CNTLN: variants seen among roughly 807,000 people sequenced by gnomAD.
CNTLN encodes the protein centlein, centrosomal protein.
CNTLN carries 212 observed loss-of-function variants against 180.0 expected under a neutral mutation model. The observed-to-expected ratio is 1.18, with a 90% CI of 1.05 to 1.32. CNTLN has a LOEUF of 1.32. CNTLN is among the 40% of genes most tolerant of loss of function. The probability of loss-of-function intolerance (pLI) is 0.00; values close to 1 mark genes in which losing one functional copy is unlikely to be tolerated. For synonymous variants in CNTLN, 722 were observed against 563.1 expected (o/e 1.28, Z -3.99); for missense variants, 2,095 against 1,610.9 (o/e 1.30, Z -5.14).
intron 2 of CNTLN, among the ~76,000 whole-genome samples, chr9:17,224,065 A>C (rs1476195808): frequency 6.6e-6 from 1 of 151,940 alleles, no homozygotes; most frequent in African/African-American, 2.4e-5. Context: ...GGAGAGTTAC[A>C]TGTTAACTAT....
intron 16 of CNTLN, among the ~76,000 whole-genome samples, chr9:17,413,262 A>G (rs1827988241): frequency 6.6e-6 from 1 of 152,188 alleles, no homozygotes; most frequent in African/African-American, 2.4e-5. Context: ...ACAAAAATTA[A>G]TTTGAGGTGG....
At chr9:17,358,689 TAAA>T (rs1252879714) in intron 12 of CNTLN, among the ~76,000 whole-genome samples, 1 of 152,108 alleles carries the variant, frequency 6.6e-6, no homozygotes, top group African/African-American at 2.4e-5. Context: ...AAGTATGTAC[TAAA>T]AAAGTAATAA....
rs764309794 is a variant in CNTLN at position 17,472,579 on chromosome 9, C to A, written c.3855+5688C>A. On this transcript the variant is annotated intron_variant, in intron 23 of 25. Coordinates refer to ENST00000380647, the MANE Select transcript of CNTLN (RefSeq NM_017738.4). ...GTTCTCAACTTTGGATCACCACCTA[C>A]CTTAGGGAGCATTTGGAAATGTATG... Among the ~76,000 whole-genome samples, 18 of 152,072 alleles carry A rather than the reference C, an allele frequency of 1.2e-4. 1 individual carries two copies. The highest frequency in any genetic ancestry group is 2.1e-4 in the South Asian group (1 of 4,816).
At chr9:17,414,088 A>G (rs1192294985) in intron 16 of CNTLN, among the ~76,000 whole-genome samples, 1 of 152,118 alleles carries the variant, frequency 6.6e-6, no homozygotes, top group Non-Finnish European at 1.5e-5. Context: ...GAAATTTCTC[A>G]TCTTGGATTG....
intron 12 of CNTLN, among the ~76,000 whole-genome samples, chr9:17,363,186 C>G (rs1231372435): frequency 6.6e-6 from 1 of 152,172 alleles, no homozygotes; most frequent in Admixed American, 6.5e-5. Flanking sequence ...AACAAACATA[C>G]AAGTGCGTGT....
intron 5 of CNTLN, among the ~76,000 whole-genome samples, chr9:17,263,593 T>C (rs546905136): frequency 2.0e-5 from 3 of 150,272 alleles, no homozygotes; most frequent in Non-Finnish European, 2.9e-5. Flanking sequence ...GTATTTCTAG[T>C]TCTAGATCCC....
Position 17,309,145 on chromosome 9 carries a change from C to G in CNTLN, c.1234C>G (p.Leu412Val), listed in dbSNP as rs771915001. The G allele has an allele frequency of 9.9e-6, 16 of 1,610,504 alleles. No individual in the cohort carries two copies. The African/African-American group carries it at 1.2e-4, about 12-fold the overall frequency. The change falls in exon 8 of 26, where the codon CTA becomes GTA. Residue 412 changes from leucine (L) to valine (V), a missense_variant. By Grantham distance (32) the Leu-to-Val change is conservative. Transcript: ENST00000380647. ...AAGTGTTACTAATCTTCAGGATCAG[C>G]TATTACAAAAAGAGCAAGAAAATGC... ...RQSVTNLQDQ[L>V]LQKEQENAKL... is the part of the protein sequence containing the mutation.
intron 5 of CNTLN, among the ~76,000 whole-genome samples, chr9:17,251,187 T>C (rs934155768): frequency 2.0e-5 from 3 of 152,016 alleles, no homozygotes; most frequent in Non-Finnish European, 2.9e-5. Context: ...CTCTTTTTTG[T>C]AGGCTGAATT....
intron 5 of CNTLN, among the ~76,000 whole-genome samples, chr9:17,255,945 G>A (rs1357123998): frequency 1.3e-5 from 2 of 151,726 alleles, no homozygotes; most frequent in African/African-American, 4.8e-5. Flanking sequence ...ATACAATTTT[G>A]TATTTGTTAG....
chr9:17,424,809 A>G (rs1828965047), intron 18 of CNTLN, among the ~76,000 whole-genome samples: 1 of 152,150 alleles, frequency 6.6e-6, no homozygotes, highest in East Asian at 1.9e-4. Context: ...CCCTTTCACC[A>G]TGTAATGCTC....
intron 18 of CNTLN, among the ~76,000 whole-genome samples, chr9:17,424,799 C>T (rs1274907970): frequency 6.6e-6 from 1 of 152,132 alleles, no homozygotes; most frequent in Non-Finnish European, 1.5e-5. Context: ...CACACTCTTG[C>T]CCTTTCACCA....
chr9:17,363,098 G>A (rs989077653), intron 12 of CNTLN, among the ~76,000 whole-genome samples: 1 of 152,294 alleles, frequency 6.6e-6, no homozygotes, highest in East Asian at 1.9e-4. Flanking sequence ...GTATTCCATG[G>A]TGTATATGTG....
chr9:17,170,578 A>G (rs1820358655), intron 2 of CNTLN, among the ~76,000 whole-genome samples: 1 of 152,014 alleles, frequency 6.6e-6, no homozygotes, highest in African/African-American at 2.4e-5. Context: ...CTTCTGCTTG[A>G]TTAAATCTGA....
intron 2 of CNTLN, among the ~76,000 whole-genome samples, chr9:17,194,232 A>G (rs1378143849): frequency 1.3e-5 from 2 of 152,130 alleles, no homozygotes; most frequent in African/African-American, 4.8e-5. Flanking sequence ...ATTTTTGCAA[A>G]TTTCTGCAGC....
At position 17,210,239 on chromosome 9, in the gene CNTLN, G is replaced by A. The variant is rs576207530; in HGVS notation, c.450-15964G>A. 3.3e-5 allele frequency among the ~76,000 whole-genome samples: 5 copies of A among 152,184 alleles called. No individual in the cohort carries two copies. In the South Asian group the frequency reaches 8.3e-4, roughly 25 times the overall value. On this transcript the variant is annotated intron_variant, in intron 2 of 25. Transcript: ENST00000380647. ...TCCCCCTACCCCACGACAGGCCCCG[G>A]TGTGTAATGTTGCCGTTCCTGTGTC... is the stretch of plus-strand genomic sequence containing the variant.
chr9:17,354,991 G>A (rs905104714), intron 12 of CNTLN, among the ~76,000 whole-genome samples: 3 of 151,902 alleles, frequency 2.0e-5, no homozygotes, highest in Non-Finnish European at 2.9e-5. Flanking sequence ...TCACCGCGAA[G>A]GTCTGCAGCT....
chr9:17,402,516 G>C (rs1827061008), intron 15 of CNTLN, among the ~76,000 whole-genome samples: 1 of 151,822 alleles, frequency 6.6e-6, no homozygotes, highest in African/African-American at 2.4e-5. Context: ...CCCCTCTGTT[G>C]GTTATGTATC....
At chr9:17,191,425 G>T (rs1338751030) in intron 2 of CNTLN, among the ~76,000 whole-genome samples, 1 of 152,160 alleles carries the variant, frequency 6.6e-6, no homozygotes, top group Non-Finnish European at 1.5e-5. Flanking sequence ...ATATTTCACA[G>T]TGCCCCTGTG....
At chr9:17,175,305 T>G (rs973418813) in intron 2 of CNTLN, among the ~76,000 whole-genome samples, 1 of 152,170 alleles carries the variant, frequency 6.6e-6, no homozygotes, top group African/African-American at 2.4e-5. Flanking sequence ...CCATTTTGAG[T>G]TACTATTTGT....
Sources: allele counts gnomAD v4.1 joint callset (sites outside exome capture counted in the v4.1 genomes callset), GRCh38; gene constraint gnomAD v4.1.1; transcripts MANE v1.5; gene names NCBI Gene and HGNC (gene_info 2026-07-23, HGNC 2026-07-21).